The following SORCS3 variants were observed in gnomAD, a reference collection of about 807,000 sequenced individuals.
SORCS3 encodes the protein VPS10 domain-containing receptor SorCS3.
A neutral mutation model predicts 146.3 loss-of-function variants in SORCS3; 57 were observed. That is an observed-to-expected ratio of 0.39 (90% CI 0.31 to 0.49). The LOEUF (loss-of-function observed/expected upper bound fraction) is 0.49, where lower values mean the gene tolerates loss of function less well. SORCS3 is among the 20% of genes least tolerant of loss of function. SORCS3 has a pLI of 0.92. For missense variants in SORCS3, 1,341 were observed against 1,575.5 expected (o/e 0.85, Z 2.52); for synonymous variants, 653 against 618.5 (o/e 1.06, Z -0.83).
intron 3 of SORCS3, among the ~76,000 whole-genome samples, chr10:104,973,230 C>T (rs1387056061): frequency 6.6e-6 from 1 of 151,992 alleles, no homozygotes; most frequent in Admixed American, 6.6e-5. Flanking sequence ...AGGGAGGATT[C>T]CCTCTTTTTC....
At chr10:104,942,852 TG>T (rs1039693626) in intron 3 of SORCS3, among the ~76,000 whole-genome samples, 3 of 152,162 alleles carry the variant, frequency 2.0e-5, no homozygotes, top group African/African-American at 7.2e-5. Context: ...GATGAAATCT[TG>T]AAAGTTTCCC....
chr10:105,011,255 G>A (rs954772278), intron 4 of SORCS3, among the ~76,000 whole-genome samples: 3 of 152,128 alleles, frequency 2.0e-5, no homozygotes, highest in Non-Finnish European at 4.4e-5. Context: ...AGTTTTGAGA[G>A]TCATAAGCAT....
At chr10:104,972,863 T>A (rs1476981758) in intron 3 of SORCS3, among the ~76,000 whole-genome samples, 1 of 152,188 alleles carries the variant, frequency 6.6e-6, no homozygotes, top group Non-Finnish European at 1.5e-5. Context: ...TTTTGAGATA[T>A]GTCCCATCAA....
intron 20 of SORCS3, among the ~76,000 whole-genome samples, chr10:105,224,036 C>T (rs1156602698): frequency 2.6e-5 from 4 of 152,230 alleles, no homozygotes; most frequent in Admixed American, 1.3e-4. Context: ...TATCAACATC[C>T]TCCACCAGAG....
chr10:105,035,075 G>A (rs2055296888), intron 4 of SORCS3, among the ~76,000 whole-genome samples: 1 of 152,184 alleles, frequency 6.6e-6, no homozygotes, highest in African/African-American at 2.4e-5. Flanking sequence ...CAGCAATCTT[G>A]TTGTCACTGG....
At chr10:104,713,864 C>T (rs1422776220) in intron 1 of SORCS3, among the ~76,000 whole-genome samples, 1 of 152,078 alleles carries the variant, frequency 6.6e-6, no homozygotes, top group Non-Finnish European at 1.5e-5. Context: ...TGGTAGAATT[C>T]ATAGGTGAAA....
chr10:104,925,604 C>G (rs999756565), intron 3 of SORCS3, among the ~76,000 whole-genome samples: 1 of 152,164 alleles, frequency 6.6e-6, no homozygotes, highest in Admixed American at 6.5e-5. Flanking sequence ...TTGTTTGAGG[C>G]TTTTGGGTTT....
intron 1 of SORCS3, among the ~76,000 whole-genome samples, chr10:104,835,520 A>G (rs2018056490): frequency 6.6e-6 from 1 of 152,212 alleles, no homozygotes; most frequent in South Asian, 2.1e-4. Context: ...AAAATTTTAC[A>G]GGCATTAAAG....
At position 105,217,006 on chromosome 10, in the gene SORCS3, G is replaced by T. The variant is rs2119655503; in HGVS notation, c.2618G>T (p.Ser873Ile). The part of the protein sequence containing the change: ...DGIAVSYANF[S>I]PIEDGIKHVY... Reference sequence around the variant, plus strand: ...ATTGCTGTGTCCTACGCAAACTTCAGCCCCATCGAGGACGGCATCAAGCAC... The same window carrying T: ...ATTGCTGTGTCCTACGCAAACTTCATCCCCATCGAGGACGGCATCAAGCAC... Residue 873 changes from serine to isoleucine, a missense_variant, in exon 19 of 27, where the codon AGC (serine) becomes ATC (isoleucine). Ser to Ile is a moderately radical substitution (Grantham distance 142). Transcript: ENST00000369701. 1 of 1,614,184 alleles carries T rather than the reference G, an allele frequency of 6.2e-7. No individual in the cohort carries two copies. Among genetic ancestry groups the T allele is most frequent in the Non-Finnish European group, 8.5e-7 (1 of 1,180,034 alleles).
chr10:105,133,756 C>T (rs549859718), intron 7 of SORCS3, among the ~76,000 whole-genome samples: 150 of 152,018 alleles, frequency 9.9e-4, no homozygotes, highest in Non-Finnish European at 1.5e-3. Flanking sequence ...CACTTTGAGA[C>T]CAGCCTGGGC....
intron 16 of SORCS3, among the ~76,000 whole-genome samples, chr10:105,202,591 G>C (rs538452620): frequency 6.6e-6 from 1 of 152,082 alleles, no homozygotes; most frequent in Non-Finnish European, 1.5e-5. Context: ...ACATGTTTTT[G>C]ATTGTTCCAC....
chr10:105,245,652 G>C lies in SORCS3; in HGVS notation c.2979G>C (p.Glu993Asp). 6.2e-7 allele frequency: 1 copy of C among 1,614,096 alleles called. No homozygotes were observed. Among genetic ancestry groups the C allele is most frequent in the Non-Finnish European group, 8.5e-7 (1 of 1,179,982 alleles). ...ATGCCCTCATCCAGGACACAAAAGA[G>C]ATTGCAGTTCATGGTAAGCCCTGAA... is the stretch of plus-strand genomic sequence containing the variant. Reference protein sequence around the residue: ...AGNALIQDTKEIAVHEYFQSQ... With the variant: ...AGNALIQDTKDIAVHEYFQSQ... The change falls in exon 21 of 27, where the codon GAG (glutamate) becomes GAC (aspartate). Residue 993 changes from glutamate to aspartate, a missense_variant. Glu to Asp is a conservative substitution (Grantham distance 45, BLOSUM62 2). Coordinates refer to ENST00000369701, the MANE Select transcript of SORCS3 (RefSeq NM_014978.3).
intron 1 of SORCS3, among the ~76,000 whole-genome samples, chr10:104,762,989 G>A (rs997089669): frequency 5.9e-5 from 9 of 152,162 alleles, no homozygotes; most frequent in African/African-American, 1.9e-4. Context: ...GGACCCAGGC[G>A]TAAGTATTTT....
intron 3 of SORCS3, among the ~76,000 whole-genome samples, chr10:104,965,031 A>C (rs951240491): frequency 9.2e-5 from 14 of 152,166 alleles, no homozygotes; most frequent in Admixed American, 2.0e-4. Context: ...TCCATGTAGC[A>C]TGTGTCAGAA....
At chr10:104,648,439 A>G (rs1288744847) in intron 1 of SORCS3, among the ~76,000 whole-genome samples, 1 of 152,184 alleles carries the variant, frequency 6.6e-6, no homozygotes, top group Non-Finnish European at 1.5e-5. Flanking sequence ...CCCATTTTAT[A>G]GGTAGGATAG....
At chr10:105,101,867 T>C (rs966398387) in intron 6 of SORCS3, among the ~76,000 whole-genome samples, 6 of 152,196 alleles carry the variant, frequency 3.9e-5, no homozygotes, top group Admixed American at 1.3e-4. Context: ...CTGTGGTTTC[T>C]TTACATGTTT....
chr10:104,922,045 A>G (rs1438169419), intron 3 of SORCS3, among the ~76,000 whole-genome samples: 3 of 152,208 alleles, frequency 2.0e-5, no homozygotes, highest in African/African-American at 4.8e-5. Flanking sequence ...TGCTTTTGTC[A>G]AGCTGTTCGA....
intron 4 of SORCS3, among the ~76,000 whole-genome samples, chr10:104,998,122 A>G (rs1006843132): frequency 1.3e-5 from 2 of 152,296 alleles, no homozygotes; most frequent in Non-Finnish European, 2.9e-5. Flanking sequence ...AGTTGGGAAG[A>G]ACATATAATT....
rs11192155 is a variant in SORCS3, at chr10:104,674,779, T to C, written c.627+32825T>C. ...GTATTCTCTTTTTTGTTAAGGGTTTTTTTCAATTAACATTATGTCTGTGAG... is the reference window on the plus strand; with the variant it reads ...GTATTCTCTTTTTTGTTAAGGGTTTCTTTCAATTAACATTATGTCTGTGAG... On this transcript the variant is annotated intron_variant, in intron 1 of 26. Transcript: ENST00000369701. Among the ~76,000 whole-genome samples, 180 of 152,360 alleles carry C rather than the reference T, an allele frequency of 1.2e-3. 4 individuals are homozygous for C. In the East Asian group the frequency reaches 0.033, roughly 28 times the overall value.
Sources: gnomAD v4.1 joint callset for allele counts (sites outside exome capture counted in the v4.1 genomes callset) on GRCh38, gnomAD v4.1.1 for gene constraint, MANE v1.5 for transcripts, NCBI Gene and HGNC (gene_info 2026-07-23, HGNC 2026-07-21) for gene names.